The following SUGCT variants were observed in gnomAD, a reference collection of about 807,000 sequenced individuals.
The protein encoded by SUGCT is succinyl-CoA:glutarate CoA-transferase.
Under a neutral mutation model 55.0 loss-of-function variants are expected in SUGCT, and 41 were observed. The ratio of observed to expected loss-of-function variants is 0.74; its 90% CI spans 0.58 to 0.97. The LOEUF is 0.97. SUGCT is among the 50% of genes least tolerant of loss of function. SUGCT has a pLI of 0.00. For missense variants in SUGCT, 568 were observed against 547.8 expected (o/e 1.04, Z -0.37); for synonymous variants, 187 against 200.4 (o/e 0.93, Z 0.56).
chr7:40,489,638 A>G (rs1583816649), intron 11 of SUGCT, among the ~76,000 whole-genome samples: 1 of 152,148 alleles, frequency 6.6e-6, no homozygotes, highest in African/African-American at 2.4e-5. Context: ...CCAAGATCAC[A>G]CCACTGCACT....
At chr7:40,158,703 T>C (rs945835450) in intron 1 of SUGCT, among the ~76,000 whole-genome samples, 1 of 151,970 alleles carries the variant, frequency 6.6e-6, no homozygotes, top group African/African-American at 2.4e-5. Context: ...TGAGCTGAGA[T>C]TGTGCCACTT....
chr7:40,925,017 C>T, the SUGCT span, among the ~76,000 whole-genome samples: 1 of 152,090 alleles, frequency 6.6e-6, no homozygotes, highest in African/African-American at 2.4e-5. Context: ...CAGTGTACCA[C>T]ATGTAAGTTT....
intron 12 of SUGCT, among the ~76,000 whole-genome samples, chr7:40,579,225 G>A (rs1462303070): frequency 6.6e-6 from 1 of 151,882 alleles, no homozygotes; most frequent in Admixed American, 6.6e-5. Context: ...CTTGAAGACC[G>A]CCACTGACAC....
intron 12 of SUGCT, among the ~76,000 whole-genome samples, chr7:40,658,671 A>G (rs1801146170): frequency 1.3e-5 from 2 of 152,172 alleles, no homozygotes; most frequent in African/African-American, 4.8e-5. Context: ...TTGAGTGATG[A>G]ATTGTCTTGG....
chr7:40,231,970 G>A (rs189254460), intron 6 of SUGCT, among the ~76,000 whole-genome samples: 67 of 152,206 alleles, frequency 4.4e-4, no homozygotes, highest in East Asian at 1.9e-3. Flanking sequence ...ATGTGGTGGT[G>A]CATGCCTGTG....
At chr7:40,404,362 C>A (rs1354994780) in intron 9 of SUGCT, among the ~76,000 whole-genome samples, 1 of 151,900 alleles carries the variant, frequency 6.6e-6, no homozygotes, top group Non-Finnish European at 1.5e-5. Flanking sequence ...GTGTTGGTAC[C>A]GAGACAATGA....
chr7:40,296,597 A>G (rs552466176), intron 8 of SUGCT, among the ~76,000 whole-genome samples: 1 of 150,058 alleles, frequency 6.7e-6, no homozygotes, highest in Non-Finnish European at 1.5e-5. Context: ...AGGGAGAGAG[A>G]CAGAGTGAGT....
At chr7:40,957,251 A>G in the SUGCT span, among the ~76,000 whole-genome samples, 15 of 152,172 alleles carry the variant, frequency 9.9e-5, no homozygotes, top group African/African-American at 3.6e-4. Flanking sequence ...TGTGGGAGTC[A>G]AAGTCTCTTT....
chr7:40,338,652 A>G (rs1334905911), intron 9 of SUGCT, among the ~76,000 whole-genome samples: 1 of 152,142 alleles, frequency 6.6e-6, no homozygotes, highest in Non-Finnish European at 1.5e-5. Context: ...CATTCGTCTT[A>G]TCTTTTTTCA....
chr7:40,523,461 C>G (rs767918205), intron 12 of SUGCT, among the ~76,000 whole-genome samples: 2 of 151,944 alleles, frequency 1.3e-5, no homozygotes, highest in African/African-American at 2.4e-5. Context: ...ATTTTTATAA[C>G]CTGATGAGTG....
chr7:40,488,651 A>G (rs1165507077), intron 11 of SUGCT, among the ~76,000 whole-genome samples: 1 of 152,180 alleles, frequency 6.6e-6, no homozygotes, highest in African/African-American at 2.4e-5. Context: ...CATTTCTGGT[A>G]AGGCAGGATG....
intron 9 of SUGCT, among the ~76,000 whole-genome samples, chr7:40,376,681 T>G (rs1784562925): frequency 6.6e-6 from 1 of 152,048 alleles, no homozygotes; most frequent in African/African-American, 2.4e-5. Flanking sequence ...CGTGAGCTAC[T>G]GTGCCTGGCC....
chr7:40,951,600 A>T, the SUGCT span, among the ~76,000 whole-genome samples: 3 of 151,674 alleles, frequency 2.0e-5, no homozygotes, highest in Admixed American at 2.0e-4. Context: ...TAGTGCTATA[A>T]ATTTCCCTCT....
chr7:40,371,158 A>G (rs1583534815), intron 9 of SUGCT, among the ~76,000 whole-genome samples: 2 of 152,114 alleles, frequency 1.3e-5, no homozygotes, highest in South Asian at 4.1e-4. Flanking sequence ...TCTGTTTCTT[A>G]CCCAATTTTC....
intron 12 of SUGCT, among the ~76,000 whole-genome samples, chr7:40,572,874 A>ATGTGGCTTCT (rs1796528377): frequency 1.3e-5 from 2 of 152,118 alleles, no homozygotes; most frequent in Non-Finnish European, 2.9e-5. Context: ...GTGGCATCAA[A>ATGTGGCTTCT]CTTCTGTGAA....
chr7:40,725,230 C>G (rs1786552224), intron 12 of SUGCT, among the ~76,000 whole-genome samples: 3 of 152,154 alleles, frequency 2.0e-5, no homozygotes, highest in Admixed American at 2.0e-4. Context: ...ATGCAGAACT[C>G]CTAAGCCAAT....
chr7:40,897,511 AG>A, the SUGCT span, among the ~76,000 whole-genome samples: 1 of 152,048 alleles, frequency 6.6e-6, no homozygotes, highest in East Asian at 1.9e-4. Context: ...AAGCCACAGA[AG>A]GGCTTTAACC....
chr7:40,282,711 A>G (rs538090663), intron 8 of SUGCT, among the ~76,000 whole-genome samples: 1 of 152,014 alleles, frequency 6.6e-6, no homozygotes, highest in East Asian at 1.9e-4. Context: ...CTATACAAAA[A>G]AATACAAAAA....
intron 1 of SUGCT, among the ~76,000 whole-genome samples, chr7:40,177,250 G>A (rs1350709377): frequency 6.6e-6 from 1 of 152,096 alleles, no homozygotes; most frequent in East Asian, 1.9e-4. Context: ...CCCAGCAGCT[G>A]GACCTCAAAG....
Sources: gnomAD v4.1 joint callset for allele counts (sites outside exome capture counted in the v4.1 genomes callset) on GRCh38, gnomAD v4.1.1 for gene constraint, MANE v1.5 for transcripts, NCBI Gene and HGNC (gene_info 2026-07-23, HGNC 2026-07-21) for gene names.